The following ZNF385B variants were observed in gnomAD, a reference collection of about 807,000 sequenced individuals.
ZNF385B encodes zinc finger protein 385B, also known as zinc finger protein 533.
A neutral mutation model predicts 39.2 loss-of-function variants in ZNF385B; 23 were observed. The ratio of observed to expected loss-of-function variants is 0.59; its 90% CI spans 0.42 to 0.83. The LOEUF is 0.83. Among genes scored for constraint, ZNF385B ranks in the 40% least tolerant of loss-of-function variants. ZNF385B has a pLI of 0.00. For synonymous variants in ZNF385B, 205 were observed against 222.6 expected (o/e 0.92, Z 0.70); for missense variants, 552 against 598.9 (o/e 0.92, Z 0.82).
intron 4 of ZNF385B, among the ~76,000 whole-genome samples, chr2:179,543,485 T>C (rs1295054973): frequency 6.6e-6 from 1 of 152,090 alleles, no homozygotes; most frequent in East Asian, 1.9e-4. Context: ...TCAGTTATGA[T>C]TGGAATGTGT....
chr2:179,595,796 G>A (rs765620834), intron 3 of ZNF385B, among the ~76,000 whole-genome samples: 4 of 149,162 alleles, frequency 2.7e-5, no homozygotes, highest in African/African-American at 7.4e-5. Context: ...GCACGTTATC[G>A]CACCATTGCG....
At chr2:179,639,226 C>CAAAAAAAAAAAAAAAA (rs59905278) in intron 3 of ZNF385B, among the ~76,000 whole-genome samples, 1 of 93,022 alleles carries the variant, frequency 1.1e-5, no homozygotes, top group African/African-American at 4.2e-5. Context: ...GATCCTGCCT[C>CAAAAAAAAAAAAAAAA]AAAAAAAAAA....
At chr2:179,766,096 T>C (rs1703677477) in intron 3 of ZNF385B, among the ~76,000 whole-genome samples, 1 of 150,000 alleles carries the variant, frequency 6.7e-6, no homozygotes, top group Non-Finnish European at 1.5e-5. Context: ...ACTCTAAGAA[T>C]CTTCCTGTTG....
intron 4 of ZNF385B, among the ~76,000 whole-genome samples, chr2:179,535,438 T>C (rs1276124845): frequency 6.6e-6 from 1 of 152,218 alleles, no homozygotes; most frequent in Admixed American, 6.5e-5. Flanking sequence ...GCTTTTGCTT[T>C]TCTGATATTT....
intron 3 of ZNF385B, among the ~76,000 whole-genome samples, chr2:179,739,778 C>A (rs1486499182): frequency 1.3e-5 from 2 of 152,050 alleles, no homozygotes; most frequent in Admixed American, 1.3e-4. Context: ...TGATAAGCAT[C>A]AGAGATCATT....
intron 5 of ZNF385B, 104 bp from the exon 6 acceptor site, chr2:179,483,538 T>C: frequency 1.4e-6 from 2 of 1,460,392 alleles, no homozygotes; most frequent in East Asian, 2.3e-5. Context: ...ACCACAGACA[T>C]TTACAACTCA....
At chr2:179,516,462 A>T (rs2058097170) in intron 5 of ZNF385B, among the ~76,000 whole-genome samples, 1 of 151,914 alleles carries the variant, frequency 6.6e-6, no homozygotes, top group Non-Finnish European at 1.5e-5. Context: ...AATTTGTTTA[A>T]TTTTCACCAT....
intron 6 of ZNF385B, among the ~76,000 whole-genome samples, chr2:179,466,389 A>G (rs187926685): frequency 6.6e-6 from 1 of 152,130 alleles, no homozygotes; most frequent in African/African-American, 2.4e-5. Flanking sequence ...TCTGAAGCAC[A>G]TGTGAAAAAA....
chr2:179,717,418 AGG>A (rs1378350742), intron 3 of ZNF385B, among the ~76,000 whole-genome samples: 1 of 152,112 alleles, frequency 6.6e-6, no homozygotes, highest in Non-Finnish European at 1.5e-5. Context: ...GGAGGGAGAG[AGG>A]GAGAGACAGA....
chr2:179,848,640 G>A (rs927452674), intron 1 of ZNF385B, among the ~76,000 whole-genome samples: 1 of 152,178 alleles, frequency 6.6e-6, no homozygotes, highest in Non-Finnish European at 1.5e-5. Context: ...TCCATTTCCA[G>A]AGTCTCCTCA....
At chr2:179,443,980 T>C (rs776932791) in intron 9 of ZNF385B, among the ~76,000 whole-genome samples, 3 of 152,246 alleles carry the variant, frequency 2.0e-5, no homozygotes, top group Non-Finnish European at 4.4e-5. Context: ...GGCTACTTAA[T>C]GAGTAGTCCT....
At chr2:179,784,510 T>C (rs888632953) in intron 1 of ZNF385B, among the ~76,000 whole-genome samples, 3 of 152,020 alleles carry the variant, frequency 2.0e-5, no homozygotes, top group Non-Finnish European at 4.4e-5. Flanking sequence ...TTCATCTGAA[T>C]ACACCATTCA....
At position 179,562,505 on chromosome 2, in the gene ZNF385B, G is replaced by A. The variant is rs888451905; in HGVS notation, c.299-17536C>T. 17 of 985,244 alleles carry A rather than the reference G, an allele frequency of 1.7e-5. No individual in the cohort carries two copies. The African/African-American group carries it at 3.0e-4, about 17-fold the overall frequency. The allele number at this position is 985,244 out of a possible 1,614,324, so 61.0% of individuals were successfully genotyped here. The stretch of plus-strand genomic sequence containing the variant: ...CATCATCTCAACCTGGTGCTCCCGT[G>A]AAATGTGGTGCTAGGAAACAGCCGG... On this transcript the variant is annotated intron_variant, in intron 3 of 9. Transcript: ENST00000410066.
intron 3 of ZNF385B, among the ~76,000 whole-genome samples, chr2:179,578,783 A>G (rs1686151660): frequency 6.6e-6 from 1 of 152,110 alleles, no homozygotes; most frequent in South Asian, 2.1e-4. Context: ...AATCAGAGGT[A>G]ATGACATTTA....
At chr2:179,601,969 G>A (rs1574951596) in intron 3 of ZNF385B, among the ~76,000 whole-genome samples, 1 of 152,236 alleles carries the variant, frequency 6.6e-6, no homozygotes, top group Admixed American at 6.5e-5. Context: ...GAATTAAAAT[G>A]ATTCTGTTTT....
intron 3 of ZNF385B, among the ~76,000 whole-genome samples, chr2:179,674,161 C>A (rs140117243): frequency 6.6e-6 from 1 of 152,012 alleles, no homozygotes; most frequent in Non-Finnish European, 1.5e-5. Context: ...ATCTATTTAA[C>A]AAGATTTAAA....
chr2:179,724,809 G>T (rs1028606380), intron 3 of ZNF385B, among the ~76,000 whole-genome samples: 1 of 152,128 alleles, frequency 6.6e-6, no homozygotes, highest in Admixed American at 6.5e-5. Context: ...CAGTAAGCTG[G>T]GAAGCTAGGG....
intron 6 of ZNF385B, among the ~76,000 whole-genome samples, chr2:179,455,449 T>A (rs540952040): frequency 2.0e-5 from 3 of 151,912 alleles, no homozygotes; most frequent in Non-Finnish European, 4.4e-5. Context: ...TCATAAGAGT[T>A]TTTTCCCCCT....
chr2:179,525,521 TTGC>T lies in ZNF385B; in HGVS notation c.442-6886_442-6884del, dbSNP rs141078512. Among the ~76,000 whole-genome samples the T allele has an allele frequency of 2.2e-3, 332 of 152,310 alleles. 1 individual carries two copies. Among genetic ancestry groups the T allele is most frequent in the Non-Finnish European group, 3.5e-3 (237 of 68,020 alleles). On this transcript the variant is annotated intron_variant, in intron 4 of 9. Transcript: ENST00000410066. ...GTCATCATTTGCACCTGTCCTTGAT[TTGC>T]TGCTAAGCAGACCGCAGCTACAAAC...
Sources: allele counts gnomAD v4.1 joint callset (sites outside exome capture counted in the v4.1 genomes callset), GRCh38; gene constraint gnomAD v4.1.1; transcripts MANE v1.5; gene names NCBI Gene and HGNC (gene_info 2026-07-23, HGNC 2026-07-21).